TCF12: variants seen among roughly 807,000 people sequenced by gnomAD.
TCF12 encodes transcription factor 12.
In TCF12, 45 loss-of-function variants were observed where a neutral mutation model predicts 86.0. That is an observed-to-expected ratio of 0.52 (90% CI 0.41 to 0.67). The LOEUF is 0.67. TCF12 is among the 30% of genes least tolerant of loss of function. The pLI is 0.00. For synonymous variants in TCF12, 330 were observed against 299.6 expected (o/e 1.10, Z -1.05); for missense variants, 881 against 859.9 (o/e 1.02, Z -0.31).
At chr15:57,235,510 G>T (rs535282150) in intron 12 of TCF12, among the ~76,000 whole-genome samples, 1 of 152,288 alleles carries the variant, frequency 6.6e-6, no homozygotes, top group Non-Finnish European at 1.5e-5. Context: ...CGGTGCTGTG[G>T]TAATTATCTT....
At chr15:57,049,754 T>C (rs888658399) in intron 3 of TCF12, among the ~76,000 whole-genome samples, 1 of 152,244 alleles carries the variant, frequency 6.6e-6, no homozygotes, top group Non-Finnish European at 1.5e-5. Flanking sequence ...AGAAGTATTT[T>C]AATATTCTGA....
chr15:57,151,582 T>C (rs561167555), intron 5 of TCF12, among the ~76,000 whole-genome samples: 1 of 151,998 alleles, frequency 6.6e-6, no homozygotes, highest in Admixed American at 6.6e-5. Context: ...CTGGCCAACA[T>C]GGTGAAACCC....
At chr15:56,974,054 G>A (rs375383884) in intron 3 of TCF12, among the ~76,000 whole-genome samples, 6 of 152,100 alleles carry the variant, frequency 3.9e-5, no homozygotes, top group Admixed American at 1.3e-4. Flanking sequence ...TTCAGTGTTC[G>A]TGGCTTTTCT....
intron 3 of TCF12, among the ~76,000 whole-genome samples, chr15:56,981,212 C>T (rs7167762): frequency 7.9e-5 from 12 of 152,174 alleles, no homozygotes; most frequent in South Asian, 4.2e-4. Context: ...AACAGAATAC[C>T]GGAGACTGGG....
chr15:57,011,829 A>G (rs2064850730), intron 3 of TCF12, among the ~76,000 whole-genome samples: 1 of 152,188 alleles, frequency 6.6e-6, no homozygotes, highest in South Asian at 2.1e-4. Flanking sequence ...CAGACTTTCC[A>G]TCAATTTTTA....
At chr15:57,231,778 G>A (rs527565314) in intron 9 of TCF12, among the ~76,000 whole-genome samples, 15 of 152,192 alleles carry the variant, frequency 9.9e-5, no homozygotes, top group African/African-American at 2.9e-4. Context: ...TACATAAATG[G>A]TTCCTTGACT....
intron 6 of TCF12, among the ~76,000 whole-genome samples, chr15:57,173,955 C>A (rs540580295): frequency 2.0e-5 from 3 of 152,160 alleles, no homozygotes; most frequent in Non-Finnish European, 4.4e-5. Flanking sequence ...ATCCCCCCGC[C>A]TCAGCCTCTC....
intron 5 of TCF12, among the ~76,000 whole-genome samples, chr15:57,133,021 A>G (rs1276601619): frequency 7.9e-5 from 12 of 152,180 alleles, no homozygotes; most frequent in African/African-American, 2.7e-4. Flanking sequence ...TTTATTTGCA[A>G]TTCAGTTTTA....
intron 3 of TCF12, among the ~76,000 whole-genome samples, chr15:57,043,031 T>G (rs2067000152): frequency 6.6e-6 from 1 of 152,190 alleles, no homozygotes; most frequent in Admixed American, 6.5e-5. Context: ...CTTACTTTAT[T>G]AACATGTCAT....
chr15:57,157,622 G>A (rs1359375003), intron 5 of TCF12, among the ~76,000 whole-genome samples: 1 of 150,956 alleles, frequency 6.6e-6, no homozygotes, highest in African/African-American at 2.4e-5. Context: ...GAGTACAATG[G>A]CTCGATCTAG....
chr15:57,123,968 C>CAAAAAAAAAAAAAAAAAAAAAAAAAAA (rs71113066), intron 5 of TCF12, among the ~76,000 whole-genome samples: 1 of 81,076 alleles, frequency 1.2e-5, no homozygotes, highest in African/African-American at 4.1e-5. Context: ...GACTCCGTCT[C>CAAAAAAAAAAAAAAAAAAAAAAAAAAA]AAAAAAAAAA....
At chr15:57,181,530 A>G (rs1253781201) in intron 6 of TCF12, among the ~76,000 whole-genome samples, 2 of 144,266 alleles carry the variant, frequency 1.4e-5, no homozygotes, top group African/African-American at 2.4e-5. Flanking sequence ...ACCTTCTAAT[A>G]TAATTAACAA....
intron 5 of TCF12, among the ~76,000 whole-genome samples, chr15:57,149,469 A>G (rs2053592424): frequency 6.6e-6 from 1 of 152,260 alleles, no homozygotes; most frequent in African/African-American, 2.4e-5. Flanking sequence ...TAGTTAGTAC[A>G]GGAGATCATT....
At chr15:57,218,409 G>T (rs1200966132) in intron 8 of TCF12, among the ~76,000 whole-genome samples, 1 of 152,170 alleles carries the variant, frequency 6.6e-6, no homozygotes, top group Non-Finnish European at 1.5e-5. Flanking sequence ...ATAGCAAAAC[G>T]TGTCTGTGTA....
In TCF12 at chr15:57,030,121, G is replaced by A. The variant is rs138516279; in HGVS notation, c.149-33629G>A. ...CCTGGGAATAAGATTACTGGGTCAT[G>A]TGATAATTTGTAGAGTTTGCTTTAT... On this transcript the variant is annotated intron_variant, in intron 3 of 20. Coordinates refer to ENST00000333725, the MANE Select transcript of TCF12 (RefSeq NM_207037.2). Among the ~76,000 whole-genome samples, 614 of 152,176 alleles carry A rather than the reference G, an allele frequency of 4.0e-3. 6 individuals carry two copies. Among genetic ancestry groups the A allele is most frequent in the Admixed American group, 0.022 (330 of 15,278 alleles).
At chr15:57,200,115 C>G (rs574764301) in intron 8 of TCF12, among the ~76,000 whole-genome samples, 1 of 149,376 alleles carries the variant, frequency 6.7e-6, no homozygotes, top group Non-Finnish European at 1.5e-5. Flanking sequence ...CTCCTGGGCT[C>G]TGTGCTTCTC....
intron 3 of TCF12, among the ~76,000 whole-genome samples, chr15:56,954,196 C>G (rs2061404957): frequency 6.6e-6 from 1 of 152,044 alleles, no homozygotes; most frequent in Non-Finnish European, 1.5e-5. Context: ...TCATGCTCCA[C>G]ATATTTTGGG....
intron 5 of TCF12, among the ~76,000 whole-genome samples, chr15:57,165,539 A>T (rs1274845773): frequency 6.9e-6 from 1 of 144,606 alleles, no homozygotes; most frequent in Non-Finnish European, 1.5e-5. Flanking sequence ...TACTGTATTA[A>T]TTTTTTTTTT....
rs567520292 is a variant in TCF12, at chr15:57,053,857, C to T, written c.149-9893C>T. On this transcript the variant is annotated intron_variant, in intron 3 of 20. Transcript: ENST00000333725. ...TAAGAGTTATATTTTATGACGAGGACGGCTTTGATGACCTGAAAGAGTTTA... is the reference window on the plus strand; with the variant it reads ...TAAGAGTTATATTTTATGACGAGGATGGCTTTGATGACCTGAAAGAGTTTA... Among the ~76,000 whole-genome samples, 132 of 152,230 alleles carry T rather than the reference C, an allele frequency of 8.7e-4. 1 individual carries two copies. Among genetic ancestry groups the T allele is most frequent in the African/African-American group, 2.9e-3 (120 of 41,532 alleles).
Sources: allele counts gnomAD v4.1 joint callset (sites outside exome capture counted in the v4.1 genomes callset), GRCh38; gene constraint gnomAD v4.1.1; transcripts MANE v1.5; gene names NCBI Gene and HGNC (gene_info 2026-07-23, HGNC 2026-07-21).